PTPRD: variants seen among roughly 807,000 people sequenced by gnomAD.
PTPRD encodes the protein protein tyrosine phosphatase receptor type D.
A neutral mutation model predicts 214.5 loss-of-function variants in PTPRD; 34 were observed. The observed-to-expected ratio is 0.16, with a 90% CI of 0.12 to 0.21. The LOEUF (loss-of-function observed/expected upper bound fraction) is 0.21, where lower values mean the gene tolerates loss of function less well. Ranked by LOEUF, PTPRD falls within the 10% of genes least tolerant of loss-of-function variation. PTPRD has a pLI of 1.00. For missense variants in PTPRD, 2,545 were observed against 2,398.7 expected, an observed-to-expected ratio of 1.06 and a Z score of -1.27; for synonymous variants, 1,128 against 845.7, an observed-to-expected ratio of 1.33 and a Z score of -5.79.
intron 11 of PTPRD, among the ~76,000 whole-genome samples, chr9:8,741,339 T>G (rs766804757): frequency 8.5e-5 from 13 of 152,176 alleles, no homozygotes; most frequent in Non-Finnish European, 1.8e-4. Flanking sequence ...CTGCATGTCA[T>G]AGCTTCTATC....
chr9:8,322,287 A>C (rs1829167832), intron 44 of PTPRD, among the ~76,000 whole-genome samples: 1 of 151,986 alleles, frequency 6.6e-6, no homozygotes, highest in Non-Finnish European at 1.5e-5. Flanking sequence ...TTAAATCACA[A>C]ACTAGAAATA....
intron 7 of PTPRD, among the ~76,000 whole-genome samples, chr9:9,686,465 T>A (rs1188295514): frequency 6.6e-6 from 1 of 151,348 alleles, no homozygotes; most frequent in East Asian, 1.9e-4. Context: ...ATACATTATA[T>A]AATATTAATA....
chr9:9,261,511 G>T (rs1488870156), intron 9 of PTPRD, among the ~76,000 whole-genome samples: 1 of 151,780 alleles, frequency 6.6e-6, no homozygotes, highest in Non-Finnish European at 1.5e-5. Flanking sequence ...AAAAAGAACT[G>T]GTCTTTGCCA....
chr9:8,965,217 A>C (rs2099186195), intron 11 of PTPRD, among the ~76,000 whole-genome samples: 1 of 151,952 alleles, frequency 6.6e-6, no homozygotes, highest in Non-Finnish European at 1.5e-5. Flanking sequence ...TTCTCTACTA[A>C]AAGCACAAAA....
intron 14 of PTPRD, among the ~76,000 whole-genome samples, chr9:8,599,206 A>G (rs893743790): frequency 1.3e-5 from 2 of 152,104 alleles, no homozygotes; most frequent in Non-Finnish European, 2.9e-5. Flanking sequence ...GCCTTCTACC[A>G]TGATTGTGAG....
intron 2 of PTPRD, among the ~76,000 whole-genome samples, chr9:10,465,700 T>C (rs760652004): frequency 9.2e-5 from 14 of 152,206 alleles, no homozygotes; most frequent in Non-Finnish European, 1.6e-4. Flanking sequence ...CAACATGCTG[T>C]ACAGGCTTGT....
intron 5 of PTPRD, among the ~76,000 whole-genome samples, chr9:9,818,537 A>G (rs1389497120): frequency 2.6e-5 from 4 of 152,154 alleles, no homozygotes; most frequent in African/African-American, 4.8e-5. Flanking sequence ...AAGGACAGAG[A>G]GAGATAGAAA....
intron 3 of PTPRD, among the ~76,000 whole-genome samples, chr9:10,065,141 T>TAGAGAGAAAGAAAGAAAGAAAGAAAGAA (rs2097851360): frequency 9.4e-6 from 1 of 106,732 alleles, no homozygotes; most frequent in Non-Finnish European, 1.9e-5. Context: ...TGACTTGGAT[T>TAGAGAGAAAGAAAGAAAGAAAGAAAGAA]AGAAAGAAAG....
At chr9:10,076,543 G>T (rs535584379) in intron 3 of PTPRD, among the ~76,000 whole-genome samples, 24 of 152,236 alleles carry the variant, frequency 1.6e-4, no homozygotes, top group African/African-American at 5.5e-4. Flanking sequence ...TGCAGTAAAT[G>T]AGAAGCCTTA....
chr9:10,396,866 T>C (rs544086073), intron 2 of PTPRD, among the ~76,000 whole-genome samples: 59 of 152,112 alleles, frequency 3.9e-4, no homozygotes, highest in African/African-American at 1.3e-3. Flanking sequence ...TGAAGGGAGC[T>C]GTGAACAAAA....
intron 26 of PTPRD, among the ~76,000 whole-genome samples, chr9:8,495,765 C>A (rs2097251508): frequency 6.6e-6 from 1 of 152,176 alleles, no homozygotes. Flanking sequence ...GTCAAAAATG[C>A]TGCTGCACTG....
At chr9:9,618,506 G>A (rs1224013633) in intron 7 of PTPRD, among the ~76,000 whole-genome samples, 3 of 152,078 alleles carry the variant, frequency 2.0e-5, no homozygotes, top group Admixed American at 2.0e-4. Context: ...GCAGAGGAGA[G>A]GACAGATGGA....
intron 5 of PTPRD, among the ~76,000 whole-genome samples, chr9:9,889,534 C>T (rs931132791): frequency 2.0e-5 from 3 of 152,196 alleles, no homozygotes; most frequent in Middle Eastern, 3.4e-3. Flanking sequence ...CAGAGAACAC[C>T]AAGCCTCTAA....
chr9:9,363,404 T>C (rs1031986697), intron 9 of PTPRD, among the ~76,000 whole-genome samples: 3 of 151,404 alleles, frequency 2.0e-5, no homozygotes, highest in African/African-American at 7.2e-5. Flanking sequence ...CTGAAACAAA[T>C]GGATTCTCAA....
chr9:10,398,918 G>C (rs529402612), intron 2 of PTPRD, among the ~76,000 whole-genome samples: 1 of 151,994 alleles, frequency 6.6e-6, no homozygotes, highest in South Asian at 2.1e-4. Context: ...TGGATCTGAG[G>C]CTTTAGGCTA....
At chr9:9,985,922 A>C (rs1588187695) in intron 4 of PTPRD, among the ~76,000 whole-genome samples, 2 of 152,274 alleles carry the variant, frequency 1.3e-5, no homozygotes, top group South Asian at 4.1e-4. Context: ...ACTAATGTAT[A>C]GGTAGAGTTG....
In PTPRD at chr9:9,045,557, C is replaced by T. The variant is rs149273458; in HGVS notation, c.-142-26822G>A. Among the ~76,000 whole-genome samples, 18 of 152,228 alleles carry T rather than the reference C, an allele frequency of 1.2e-4. No homozygotes were observed. In the East Asian group the frequency reaches 3.1e-3, roughly 26 times the overall value. The stretch of plus-strand genomic sequence containing the variant: ...GTTGAAGTTGCAGGAGCAAGAACAG[C>T]CCATGGTTGCTTCTATGTTATGAAG... On this transcript the variant is annotated intron_variant, in intron 10 of 45. Transcript: ENST00000381196.
At chr9:9,286,688 T>C (rs1233132090) in intron 9 of PTPRD, among the ~76,000 whole-genome samples, 2 of 150,994 alleles carry the variant, frequency 1.3e-5, no homozygotes, top group Non-Finnish European at 3.0e-5. Context: ...CTCCTTGTCT[T>C]TCATTTGAAT....
At chr9:8,464,503 GAGGCCCC>G (rs2096498510) in intron 32 of PTPRD, among the ~76,000 whole-genome samples, 1 of 151,946 alleles carries the variant, frequency 6.6e-6, no homozygotes, top group Non-Finnish European at 1.5e-5. Flanking sequence ...CACTTGAAGA[GAGGCCCC>G]ACTGTACACA....
Sources: allele counts gnomAD v4.1 joint callset (sites outside exome capture counted in the v4.1 genomes callset), GRCh38; gene constraint gnomAD v4.1.1; transcripts MANE v1.5; gene names NCBI Gene and HGNC (gene_info 2026-07-23, HGNC 2026-07-21).